Variants in CPQ observed in about 807,000 individuals in gnomAD.
The protein encoded by CPQ is Ser-Met dipeptidase.
In CPQ, 37 loss-of-function variants were observed where a neutral mutation model predicts 45.7. That is an observed-to-expected ratio of 0.81 (90% CI 0.62 to 1.07). The LOEUF is 1.07. Ranked by LOEUF, CPQ falls within the 50% of genes least tolerant of loss-of-function variation. The pLI, the probability that CPQ is intolerant of heterozygous loss-of-function variation, is 0.00. For synonymous variants in CPQ, 186 were observed against 205.8 expected (o/e 0.90, Z 0.82); for missense variants, 537 against 572.9 (o/e 0.94, Z 0.64).
At chr8:96,894,885 T>G (rs1174670639) in intron 4 of CPQ, among the ~76,000 whole-genome samples, 3 of 152,220 alleles carry the variant, frequency 2.0e-5, no homozygotes, top group Admixed American at 2.0e-4. Flanking sequence ...ACTGCACCAA[T>G]TCTGTTACAA....
Position 96,966,939 on chromosome 8 carries a change from A to G in CPQ, c.961+893A>G, listed in dbSNP as rs150425517. Among the ~76,000 whole-genome samples the G allele has an allele frequency of 5.3e-4, 81 of 152,352 alleles. 1 individual carries two copies. The highest frequency in any genetic ancestry group is 1.9e-3 in the African/African-American group (81 of 41,586). ...AGAATGGAGTGGGTAACCTTCACAC[A>G]TACATACACACATAGTTATCAATAT... On this transcript the variant is annotated intron_variant, in intron 5 of 7. Coordinates refer to ENST00000220763, the MANE Select transcript of CPQ (RefSeq NM_016134.4).
intron 6 of CPQ, among the ~76,000 whole-genome samples, chr8:97,047,830 G>T (rs1236817468): frequency 6.6e-6 from 1 of 152,126 alleles, no homozygotes; most frequent in Non-Finnish European, 1.5e-5. Context: ...AAAAGACTGC[G>T]TTCAGAGCGG....
At chr8:97,054,389 T>C (rs534311285) in intron 6 of CPQ, among the ~76,000 whole-genome samples, 1 of 152,168 alleles carries the variant, frequency 6.6e-6, no homozygotes, top group Admixed American at 6.6e-5. Flanking sequence ...TAAAAGTATA[T>C]CTACCATTCT....
chr8:96,813,699 A>G (rs1248601871), intron 2 of CPQ, among the ~76,000 whole-genome samples: 1 of 152,030 alleles, frequency 6.6e-6, no homozygotes, highest in Non-Finnish European at 1.5e-5. Context: ...GGAGGTGGGA[A>G]TGGGTGGGAA....
intron 1 of CPQ, among the ~76,000 whole-genome samples, chr8:96,751,836 A>G (rs1336773218): frequency 2.6e-5 from 4 of 152,194 alleles, no homozygotes; most frequent in African/African-American, 9.7e-5. Context: ...TAAGGGGTCC[A>G]GTTTCAATTT....
chr8:97,116,366 G>C (rs570853174), intron 7 of CPQ, among the ~76,000 whole-genome samples: 76 of 152,314 alleles, frequency 5.0e-4, no homozygotes, highest in Non-Finnish European at 9.1e-4. Flanking sequence ...TGGTTGGCCA[G>C]CCTGTAATGG....
intron 7 of CPQ, among the ~76,000 whole-genome samples, chr8:97,140,013 A>T (rs1198208145): frequency 1.2e-5 from 1 of 81,642 alleles, no homozygotes; most frequent in African/African-American, 6.1e-5. Context: ...AGCAAGATTT[A>T]AAAAAAAAAC....
intron 1 of CPQ, among the ~76,000 whole-genome samples, chr8:96,775,167 G>A (rs1810590149): frequency 1.3e-5 from 2 of 152,050 alleles, no homozygotes; most frequent in African/African-American, 4.8e-5. Context: ...GGAAGAGCGG[G>A]AAGAAAATTG....
intron 4 of CPQ, among the ~76,000 whole-genome samples, chr8:96,928,127 A>T (rs1812917494): frequency 6.6e-6 from 1 of 152,132 alleles, no homozygotes; most frequent in Admixed American, 6.5e-5. Flanking sequence ...TTATGGGTTG[A>T]CTGTGCCCAT....
At chr8:97,038,825 C>CAAAAAAAAAAAAAAA (rs35739621) in intron 6 of CPQ, among the ~76,000 whole-genome samples, 1 of 91,874 alleles carries the variant, frequency 1.1e-5, no homozygotes, top group African/African-American at 4.2e-5. Flanking sequence ...ACCGTATTTA[C>CAAAAAAAAAAAAAAA]AAAAAAAAAA....
intron 7 of CPQ, among the ~76,000 whole-genome samples, chr8:97,074,245 A>G (rs1386399358): frequency 6.6e-6 from 1 of 152,196 alleles, no homozygotes; most frequent in Non-Finnish European, 1.5e-5. Context: ...CTTCTTGTTC[A>G]TATACCCACG....
At chr8:96,691,516 C>T (rs1018759964) in intron 1 of CPQ, among the ~76,000 whole-genome samples, 14 of 151,720 alleles carry the variant, frequency 9.2e-5, no homozygotes, top group Middle Eastern at 3.2e-3. Context: ...TCTCTTCATA[C>T]ATTTAACAGT....
intron 1 of CPQ, among the ~76,000 whole-genome samples, chr8:96,679,597 T>C (rs1041813595): frequency 7.2e-5 from 11 of 152,090 alleles, no homozygotes; most frequent in Admixed American, 1.3e-4. Context: ...TTATTACTAA[T>C]TTTTATTCTG....
intron 1 of CPQ, among the ~76,000 whole-genome samples, chr8:96,669,229 C>T (rs1808969862): frequency 6.6e-6 from 1 of 152,232 alleles, no homozygotes; most frequent in Admixed American, 6.5e-5. Context: ...ATGCACCTCT[C>T]CCTTGCCCTG....
intron 7 of CPQ, among the ~76,000 whole-genome samples, chr8:97,095,029 GC>G (rs1402588291): frequency 6.6e-6 from 1 of 152,106 alleles, no homozygotes; most frequent in Admixed American, 6.6e-5. Context: ...TATGTCCTTA[GC>G]TTCTCTTAAC....
chr8:96,802,726 T>G (rs13257425), intron 2 of CPQ, among the ~76,000 whole-genome samples: 1 of 152,024 alleles, frequency 6.6e-6, no homozygotes, highest in Non-Finnish European at 1.5e-5. Context: ...CTTGATTGAC[T>G]AAGTGGGTAA....
chr8:96,952,388 A>C (rs569147737), intron 4 of CPQ, among the ~76,000 whole-genome samples: 5 of 152,210 alleles, frequency 3.3e-5, no homozygotes, highest in Non-Finnish European at 7.4e-5. Flanking sequence ...TGATTGTAGG[A>C]GCCTGCAAAG....
At chr8:97,081,214 C>T (rs10955099) in intron 7 of CPQ, among the ~76,000 whole-genome samples, 15,304 of 152,040 alleles carry the variant, frequency 0.1, 1,167 homozygotes, top group African/African-American at 0.21. Flanking sequence ...CACTATACTG[C>T]GAAGTGCACT....
chr8:97,032,630 C>G (rs1409787203), intron 6 of CPQ, among the ~76,000 whole-genome samples: 10 of 152,190 alleles, frequency 6.6e-5, no homozygotes. Context: ...GCACAAGAGG[C>G]CAACTGCCCT....
Sources: gnomAD v4.1 joint callset for allele counts (sites outside exome capture counted in the v4.1 genomes callset) on GRCh38, gnomAD v4.1.1 for gene constraint, MANE v1.5 for transcripts, NCBI Gene and HGNC (gene_info 2026-07-23, HGNC 2026-07-21) for gene names.